Variants in KCNT2 observed in about 807,000 individuals in gnomAD.
KCNT2 encodes potassium sodium-activated channel subfamily T member 2.
KCNT2 carries 67 observed loss-of-function variants against 153.8 expected under a neutral mutation model. That is an observed-to-expected ratio of 0.44 (90% CI 0.36 to 0.53). The LOEUF (loss-of-function observed/expected upper bound fraction) is 0.53, where lower values mean the gene tolerates loss of function less well. Ranked by LOEUF, KCNT2 falls within the 20% of genes least tolerant of loss-of-function variation. The pLI, the probability that KCNT2 is intolerant of heterozygous loss-of-function variation, is 0.00. For synonymous variants in KCNT2, 500 were observed against 458.8 expected (o/e 1.09, Z -1.15); for missense variants, 975 against 1,354.8 (o/e 0.72, Z 4.40).
intron 1 of KCNT2, among the ~76,000 whole-genome samples, chr1:196,502,772 A>G (rs1460190989): frequency 6.6e-6 from 1 of 152,184 alleles, no homozygotes; most frequent in East Asian, 1.9e-4. Flanking sequence ...CTTATGTTCA[A>G]TGTTCATTTG....
At chr1:196,303,871 C>T (rs539081556) in intron 22 of KCNT2, among the ~76,000 whole-genome samples, 7 of 152,280 alleles carry the variant, frequency 4.6e-5, no homozygotes, top group Admixed American at 1.3e-4. Context: ...CATGCCAGCA[C>T]GGATTCCTGC....
intron 22 of KCNT2, among the ~76,000 whole-genome samples, chr1:196,297,115 T>C (rs1019872465): frequency 6.6e-6 from 1 of 151,822 alleles, no homozygotes; most frequent in African/African-American, 2.4e-5. Context: ...AATCTCTCTC[T>C]CTTTCTCTCT....
At chr1:196,235,470 T>A (rs975816228) in intron 27 of KCNT2, among the ~76,000 whole-genome samples, 1 of 151,538 alleles carries the variant, frequency 6.6e-6, no homozygotes, top group African/African-American at 2.4e-5. Flanking sequence ...GTAGCTTTGT[T>A]AATTAGAGTG....
At chr1:196,469,682 A>G (rs948900478) in intron 5 of KCNT2, among the ~76,000 whole-genome samples, 1 of 152,168 alleles carries the variant, frequency 6.6e-6, no homozygotes, top group Admixed American at 6.5e-5. Flanking sequence ...TAACATTAGA[A>G]CATTCAACTA....
chr1:196,457,311 T>C lies in KCNT2; in HGVS notation c.638+7982A>G, dbSNP rs972660115. Reference sequence around the variant, plus strand: ...TGTTCTCTAGTACTTACTTTTTATATATTAACTCAGTCTTTTCACAACAAT... The same window carrying C: ...TGTTCTCTAGTACTTACTTTTTATACATTAACTCAGTCTTTTCACAACAAT... On this transcript the variant is annotated intron_variant, in intron 8 of 27. Transcript: ENST00000294725. Among the ~76,000 whole-genome samples the C allele has an allele frequency of 4.0e-5, 6 of 151,800 alleles. No homozygotes were observed. The South Asian group carries it at 6.2e-4, about 16-fold the overall frequency.
Position 196,563,251 on chromosome 1 carries a change from A to C in KCNT2, c.95+44964T>G, listed in dbSNP as rs2148928735. On this transcript the variant is annotated intron_variant, in intron 1 of 27. Transcript: ENST00000294725. ...TTTAGGGGTTAGAATTTTTGTTCCA[A>C]CACTTTTCTCCCATTCCTTTTCCAA... is the stretch of plus-strand genomic sequence containing the variant. Among the ~76,000 whole-genome samples, 2 of 151,930 alleles carry C rather than the reference A, an allele frequency of 1.3e-5. 1 individual carries two copies. The highest frequency in any genetic ancestry group is 4.1e-4 in the South Asian group (2 of 4,820).
At chr1:196,435,072 A>C (rs569601151) in intron 8 of KCNT2, among the ~76,000 whole-genome samples, 1 of 146,582 alleles carries the variant, frequency 6.8e-6, no homozygotes, top group African/African-American at 2.5e-5. Flanking sequence ...CCAACTGGCT[A>C]TTTTAAGCCA....
intron 12 of KCNT2, among the ~76,000 whole-genome samples, chr1:196,421,241 G>A (rs896343295): frequency 1.3e-5 from 2 of 151,724 alleles, no homozygotes; most frequent in African/African-American, 4.8e-5. Context: ...ATTTAGTAGT[G>A]TCAGGAAAAA....
intron 22 of KCNT2, among the ~76,000 whole-genome samples, chr1:196,287,361 T>C (rs574469684): frequency 6.6e-6 from 1 of 152,152 alleles, no homozygotes; most frequent in Admixed American, 6.5e-5. Flanking sequence ...CAAGCCATGA[T>C]ATGTTAGACC....
chr1:196,344,941 T>C (rs1055505841), intron 14 of KCNT2, among the ~76,000 whole-genome samples: 2 of 152,162 alleles, frequency 1.3e-5, no homozygotes, highest in Non-Finnish European at 2.9e-5. Context: ...ATTAATCTAA[T>C]TGTCAGTATA....
At chr1:196,238,030 T>G (rs1654597544) in intron 26 of KCNT2, among the ~76,000 whole-genome samples, 1 of 151,874 alleles carries the variant, frequency 6.6e-6, no homozygotes, top group Admixed American at 6.6e-5. Flanking sequence ...TGTAATAATC[T>G]AAAAAGTAAG....
intron 12 of KCNT2, among the ~76,000 whole-genome samples, chr1:196,414,071 G>A (rs1439072461): frequency 6.6e-6 from 1 of 151,236 alleles, no homozygotes; most frequent in Non-Finnish European, 1.5e-5. Flanking sequence ...ACCATACCAA[G>A]GAACATCATA....
At chr1:196,492,375 G>A (rs1196805678) in intron 1 of KCNT2, 34 bp from the exon 2 acceptor site, 5 of 1,281,504 alleles carry the variant, frequency 3.9e-6, no homozygotes, top group African/African-American at 1.6e-5. Context: ...GTAAATGTAT[G>A]CAAGCAACCA....
chr1:196,277,627 C>T (rs1658692671), intron 25 of KCNT2, among the ~76,000 whole-genome samples: 1 of 152,108 alleles, frequency 6.6e-6, no homozygotes, highest in Admixed American at 6.6e-5. Flanking sequence ...AATATAGACT[C>T]TCCAATAGTA....
intron 1 of KCNT2, among the ~76,000 whole-genome samples, chr1:196,495,196 G>C (rs1357851509): frequency 6.6e-6 from 1 of 151,622 alleles, no homozygotes; most frequent in African/African-American, 2.4e-5. Flanking sequence ...AATGTTTTTT[G>C]ATACATGACT....
intron 13 of KCNT2, among the ~76,000 whole-genome samples, chr1:196,392,887 T>C (rs1185372481): frequency 6.6e-6 from 1 of 151,502 alleles, no homozygotes; most frequent in African/African-American, 2.4e-5. Flanking sequence ...CTTGGACTTT[T>C]AACTTCTTAT....
intron 21 of KCNT2, 46 bp from the exon 22 acceptor site, chr1:196,305,391 G>A (rs1269888074): frequency 5.9e-6 from 6 of 1,023,546 alleles, no homozygotes; most frequent in Non-Finnish European, 9.2e-6. Context: ...ATCCAATATG[G>A]TATTTTTTAT....
At chr1:196,388,277 G>T (rs1401821561) in intron 13 of KCNT2, among the ~76,000 whole-genome samples, 1 of 151,710 alleles carries the variant, frequency 6.6e-6, no homozygotes, top group Non-Finnish European at 1.5e-5. Context: ...CTATCATTAT[G>T]ATAATTTCAT....
chr1:196,588,425 G>A (rs1188643253), intron 1 of KCNT2, among the ~76,000 whole-genome samples: 1 of 152,032 alleles, frequency 6.6e-6, no homozygotes, highest in Non-Finnish European at 1.5e-5. Flanking sequence ...CAATGTCAAA[G>A]TGTGATTTAT....
Sources: gnomAD v4.1 joint callset for allele counts (sites outside exome capture counted in the v4.1 genomes callset) on GRCh38, gnomAD v4.1.1 for gene constraint, MANE v1.5 for transcripts, NCBI Gene and HGNC (gene_info 2026-07-23, HGNC 2026-07-21) for gene names.